HADH: variants seen among roughly 807,000 people sequenced by gnomAD.
HADH encodes the protein hydroxyacyl-coenzyme A dehydrogenase, mitochondrial.
Under a neutral mutation model 32.2 loss-of-function variants are expected in HADH, and 24 were observed. The observed-to-expected ratio is 0.75, with a 90% CI of 0.54 to 1.05. The LOEUF is 1.05. Ranked by LOEUF, HADH falls within the 50% of genes least tolerant of loss-of-function variation. The probability of loss-of-function intolerance (pLI) is 0.00; values close to 1 mark genes in which losing one functional copy is unlikely to be tolerated. For synonymous variants in HADH, 139 were observed against 152.5 expected, an observed-to-expected ratio of 0.91 and a Z score of 0.65; for missense variants, 350 against 397.1, an observed-to-expected ratio of 0.88 and a Z score of 1.01.
chr4:108,026,010 C>T (rs903385943), intron 5 of HADH: 10 of 152,180 alleles, frequency 6.6e-5, no homozygotes, highest in East Asian at 1.9e-4. Context: ...GGCAAAAATG[C>T]GTATTTTTTT....
intron 4 of HADH, among the ~76,000 whole-genome samples, 187 bp from the exon 5 acceptor site, chr4:108,023,287 T>G (rs1735954073): frequency 6.6e-6 from 1 of 152,202 alleles, no homozygotes; most frequent in Non-Finnish European, 1.5e-5. Context: ...CCACCACATT[T>G]GGCCTCTGTT....
intron 6 of HADH, chr4:108,032,427 C>T: frequency 1.6e-6 from 2 of 1,250,924 alleles, no homozygotes; most frequent in Non-Finnish European, 2.3e-6. Flanking sequence ...GGGAATACTC[C>T]TTACTTGTAA....
rs778561311 is a variant in HADH, at chr4:108,019,638, A to ACC, written c.520_521dup (p.Val175GlnfsTer5). 1.9e-6 allele frequency: 3 copies of ACC among 1,614,056 alleles called. No homozygotes were observed. The highest frequency in any genetic ancestry group is 2.5e-6 in the Non-Finnish European group (3 of 1,179,998). On this transcript the variant is annotated frameshift_variant, in exon 4 of 8. Transcript: ENST00000309522. LOFTEE classifies it high-confidence loss of function. ...CGATTCGCTGGCCTCCATTTCTTCA[A>ACC]CCCAGTGCCTGTCATGAAACTTGTG...
intron 4 of HADH, among the ~76,000 whole-genome samples, chr4:108,020,766 T>C (rs971317467): frequency 6.6e-6 from 1 of 152,190 alleles, no homozygotes; most frequent in Non-Finnish European, 1.5e-5. Context: ...TGGGGGACGC[T>C]GATGCTGCCA....
At chr4:108,004,931 A>T in intron 1 of HADH, 2 of 1,525,854 alleles carry the variant, frequency 1.3e-6, no homozygotes, top group East Asian at 4.9e-5. Flanking sequence ...AGATGACCCT[A>T]AACTAGTATT....
At chr4:108,026,064 T>C (rs1736059822) in intron 5 of HADH, 1 of 152,136 alleles carries the variant, frequency 6.6e-6, no homozygotes, top group African/African-American at 2.4e-5. Context: ...TTTTTCGAGA[T>C]GGAGTCTTGC....
chr4:108,011,144 G>A (rs1315815601), intron 2 of HADH, among the ~76,000 whole-genome samples: 1 of 152,152 alleles, frequency 6.6e-6, no homozygotes, highest in Non-Finnish European at 1.5e-5. Flanking sequence ...ACCACTCCCG[G>A]CCAACTTCAT....
intron 5 of HADH, chr4:108,025,281 A>G (rs181483932): frequency 6.6e-6 from 1 of 152,288 alleles, no homozygotes; most frequent in East Asian, 1.9e-4. Context: ...GTGAGACTTC[A>G]TGAGGGGATT....
rs1460899119 is a variant in HADH, at chr4:108,034,581, T to C, written c.*224T>C. 6.1e-6 allele frequency: 3 copies of C among 493,296 alleles called. No homozygotes were observed. Among genetic ancestry groups the C allele is most frequent in the Admixed American group, 2.8e-5 (1 of 36,224 alleles). The allele number at this position is 493,296 out of a possible 1,614,324, so 30.6% of individuals were successfully genotyped here. Reference sequence around the variant, plus strand: ...CTTTTTTAGTCTGTTCATTTCTGTGTATTTTCTAAACAGCTTTACACCCTT... The same window carrying C: ...CTTTTTTAGTCTGTTCATTTCTGTGCATTTTCTAAACAGCTTTACACCCTT... On this transcript the variant is annotated 3_prime_UTR_variant, in exon 8 of 8. Transcript: ENST00000309522.
chr4:108,021,574 G>C (rs545932133), intron 4 of HADH, among the ~76,000 whole-genome samples: 1 of 152,062 alleles, frequency 6.6e-6, no homozygotes, highest in Non-Finnish European at 1.5e-5. Context: ...TAGGAGCAGC[G>C]TATCTGTACA....
Position 108,023,497 on chromosome 4 carries a change from C to T in HADH, c.570C>T (p.Ser190=), listed in dbSNP as rs1240409107. ...AGGTCATTAAAACACCAATGACCAG[C>T]CAGAAGACATTTGAATCTTTGGTAG... is the stretch of plus-strand genomic sequence containing the variant. The part of the protein sequence containing the change: ...LVEVIKTPMT[S]QKTFESLVDF... The change falls in exon 5 of 8, where the codon AGC becomes AGT. Residue 190 remains serine (S), a synonymous_variant. Coordinates refer to ENST00000309522, the MANE Select transcript of HADH (RefSeq NM_005327.7). 1 of 1,611,282 alleles carries T rather than the reference C, an allele frequency of 6.2e-7. No individual in the cohort carries two copies. Among genetic ancestry groups the T allele is most frequent in the African/African-American group, 1.3e-5 (1 of 74,966 alleles).
intron 6 of HADH, chr4:108,028,717 A>G (rs1736150899): frequency 1.0e-5 from 4 of 395,736 alleles, no homozygotes; most frequent in Non-Finnish European, 1.3e-5. Context: ...AGCACAGAGC[A>G]TTTTACCCTA....
At chr4:108,015,072 A>G (rs1459117794) in intron 3 of HADH, among the ~76,000 whole-genome samples, 1 of 152,152 alleles carries the variant, frequency 6.6e-6, no homozygotes, top group African/African-American at 2.4e-5. Flanking sequence ...TGCTATTGTG[A>G]ATAGTGCTGC....
At chr4:108,002,827 G>A (rs2126222245) in intron 1 of HADH, among the ~76,000 whole-genome samples, 1 of 152,308 alleles carries the variant, frequency 6.6e-6, no homozygotes, top group East Asian at 1.9e-4. Flanking sequence ...ACTGAAATAA[G>A]CCATATTACT....
At chr4:108,022,442 CT>C (rs754479182) in intron 4 of HADH, among the ~76,000 whole-genome samples, 5 of 152,060 alleles carry the variant, frequency 3.3e-5, no homozygotes, top group Non-Finnish European at 7.4e-5. Context: ...GTCAGGAGGG[CT>C]GCTGGAGCAG....
At chr4:108,007,476 A>G (rs1364666202) in intron 1 of HADH, among the ~76,000 whole-genome samples, 3 of 152,208 alleles carry the variant, frequency 2.0e-5, no homozygotes, top group African/African-American at 7.2e-5. Context: ...TGGAGATCTC[A>G]TAGAAGAAAT....
At chr4:107,993,109 C>T (rs1734861596) in intron 1 of HADH, among the ~76,000 whole-genome samples, 1 of 152,214 alleles carries the variant, frequency 6.6e-6, no homozygotes, top group African/African-American at 2.4e-5. Context: ...GAGCGAGACT[C>T]CGTCTCAAAA....
rs1735809429 is a variant in HADH, at chr4:108,019,575, A to T, written c.455A>T (p.Gln152Leu). The change falls in exon 4 of 8, where the codon CAG (glutamine) becomes CTG (leucine). Residue 152 changes from glutamine to leucine, a missense_variant. By Grantham distance (113) the Gln-to-Leu change is moderately radical. Transcript: ENST00000309522. Reference sequence around the variant, plus strand: ...TTTGCCAGCAACACTTCCTCCTTGCAGATTACAAGCATAGCTAATGCCACC... The same window carrying T: ...TTTGCCAGCAACACTTCCTCCTTGCTGATTACAAGCATAGCTAATGCCACC... ...TIFASNTSSLQITSIANATTR... is the reference protein window; with the variant it reads ...TIFASNTSSLLITSIANATTR... 6.2e-7 allele frequency: 1 copy of T among 1,613,742 alleles called. No homozygotes were observed. The highest frequency in any genetic ancestry group is 1.3e-5 in the African/African-American group (1 of 74,924).
At chr4:108,012,752 A>T (rs887338083) in intron 2 of HADH, among the ~76,000 whole-genome samples, 2 of 152,264 alleles carry the variant, frequency 1.3e-5, no homozygotes, top group Admixed American at 1.3e-4. Context: ...AGCTAAGAAC[A>T]TAAAGTACAT....
Sources: gnomAD v4.1 joint callset for allele counts (sites outside exome capture counted in the v4.1 genomes callset) on GRCh38, gnomAD v4.1.1 for gene constraint, MANE v1.5 for transcripts, NCBI Gene and HGNC (gene_info 2026-07-23, HGNC 2026-07-21) for gene names.